The following MGA variants were observed in gnomAD, a reference collection of about 807,000 sequenced individuals.
MGA encodes the protein MAX gene-associated protein.
In MGA, 40 loss-of-function variants were observed where a neutral mutation model predicts 261.1. That is an observed-to-expected ratio of 0.15 (90% CI 0.12 to 0.20). The LOEUF (loss-of-function observed/expected upper bound fraction) is 0.20. MGA is among the 10% of genes least tolerant of loss of function. MGA has a pLI of 1.00. For missense variants in MGA, 3,397 were observed against 3,630.5 expected (o/e 0.94, Z 1.65); for synonymous variants, 1,302 against 1,290.6 (o/e 1.01, Z -0.19).
At chr15:41,705,053 T>C (rs2060038720) in intron 5 of MGA, among the ~76,000 whole-genome samples, 1 of 152,200 alleles carries the variant, frequency 6.6e-6, no homozygotes, top group Admixed American at 6.5e-5. Context: ...AAAAAGATAA[T>C]AGGTTTTTCA....
rs541524408 is a variant in MGA at position 41,758,441 on chromosome 15, T to G, written c.7191+602T>G. Among the ~76,000 whole-genome samples, 11 of 152,222 alleles carry G rather than the reference T, an allele frequency of 7.2e-5. No homozygotes were observed. The East Asian group carries it at 2.1e-3, about 29-fold the overall frequency. On this transcript the variant is annotated intron_variant, in intron 19 of 23. Transcript: ENST00000219905. The stretch of plus-strand genomic sequence containing the variant: ...AAGTAGAGGGTGGCATTTGGTTCCT[T>G]TAAAAAATCATAGTGCAGTTTGTTT...
chr15:41,626,829 CTTATG>C (rs1283819965), intron 1 of MGA, among the ~76,000 whole-genome samples: 1 of 152,038 alleles, frequency 6.6e-6, no homozygotes, highest in Non-Finnish European at 1.5e-5. Context: ...TTATTAAAAT[CTTATG>C]TTAGTATAGT....
chr15:41,684,185 T>C (rs559315248), intron 2 of MGA, among the ~76,000 whole-genome samples: 12 of 152,186 alleles, frequency 7.9e-5, no homozygotes, highest in Admixed American at 2.0e-4. Context: ...TCTCTGTGCC[T>C]AACAAAATGT....
chr15:41,649,889 C>T (rs1444860264), intron 1 of MGA, among the ~76,000 whole-genome samples: 1 of 152,122 alleles, frequency 6.6e-6, no homozygotes, highest in African/African-American at 2.4e-5. Context: ...CCATGTTGGC[C>T]AGGCTGGTGT....
intron 1 of MGA, among the ~76,000 whole-genome samples, chr15:41,635,029 G>C (rs956052041): frequency 6.6e-6 from 1 of 152,096 alleles, no homozygotes; most frequent in Non-Finnish European, 1.5e-5. Context: ...CAGGGCTGAA[G>C]TTTATAATTA....
chr15:41,740,667 A>G (rs950096055), intron 14 of MGA, among the ~76,000 whole-genome samples: 6 of 152,082 alleles, frequency 3.9e-5, no homozygotes, highest in Admixed American at 3.9e-4. Context: ...CTCTTGTTGA[A>G]CTCTTGCTGG....
At chr15:41,698,662 G>C (rs1429001291) in intron 3 of MGA, among the ~76,000 whole-genome samples, 3 of 151,900 alleles carry the variant, frequency 2.0e-5, no homozygotes, top group Non-Finnish European at 4.4e-5. Flanking sequence ...TTCCCCTTCT[G>C]ATTATTAAAG....
chr15:41,676,413 C>T (rs1334513855), intron 2 of MGA, among the ~76,000 whole-genome samples: 3 of 152,198 alleles, frequency 2.0e-5, no homozygotes, highest in Non-Finnish European at 2.9e-5. Flanking sequence ...CTTGGCCTCC[C>T]CAAGTGCCGG....
At chr15:41,673,540 C>CTTTTTTTTTTT (rs777334913) in intron 2 of MGA, among the ~76,000 whole-genome samples, 2 of 118,940 alleles carry the variant, frequency 1.7e-5, no homozygotes, top group Admixed American at 9.9e-5. Context: ...TTCTTTCTTT[C>CTTTTTTTTTTT]TTTTTTTTTT....
rs913711987 is a variant in MGA at position 41,695,975 on chromosome 15, T to A, written c.1065-100T>A. On this transcript the variant is annotated intron_variant, in intron 2 of 23. Transcript: ENST00000219905. ...GAGGAATGGCTCAGGAAATCTGATG[T>A]GTTACTTGGATTCCTAACATCTTTT... The A allele has an allele frequency of 1.1e-5, 10 of 876,778 alleles. No individual in the cohort carries two copies. In the African/African-American group the frequency reaches 1.5e-4, roughly 13 times the overall value. The allele number at this position is 876,778 out of a possible 1,614,324, so 54.3% of individuals were successfully genotyped here.
At chr15:41,745,914 C>A (rs984249267) in intron 15 of MGA, among the ~76,000 whole-genome samples, 1 of 152,180 alleles carries the variant, frequency 6.6e-6, no homozygotes, top group South Asian at 2.1e-4. Context: ...CCAGGAAACA[C>A]TAACATTTAA....
At chr15:41,686,247 T>TCA (rs2058960543) in intron 2 of MGA, among the ~76,000 whole-genome samples, 1 of 152,116 alleles carries the variant, frequency 6.6e-6, no homozygotes, top group Admixed American at 6.5e-5. Flanking sequence ...GTGTGGTGGC[T>TCA]CACGCCTTTA....
At chr15:41,630,180 TG>T (rs1354625000) in intron 1 of MGA, among the ~76,000 whole-genome samples, 1 of 152,188 alleles carries the variant, frequency 6.6e-6, no homozygotes, top group African/African-American at 2.4e-5. Context: ...CCTTTTGGCC[TG>T]GAATACTCTT....
At chr15:41,730,337 G>C (rs2061447825) in intron 11 of MGA, among the ~76,000 whole-genome samples, 1 of 151,974 alleles carries the variant, frequency 6.6e-6, no homozygotes, top group African/African-American at 2.4e-5. Flanking sequence ...TATTCGGGAG[G>C]CTGAGGCAGG....
chr15:41,689,837 G>A (rs1191285086), intron 2 of MGA, among the ~76,000 whole-genome samples: 1 of 151,698 alleles, frequency 6.6e-6, no homozygotes, highest in Admixed American at 6.6e-5. Context: ...CACCACACCT[G>A]GCCCATATTG....
intron 1 of MGA, among the ~76,000 whole-genome samples, chr15:41,626,869 T>C (rs1420760948): frequency 2.0e-5 from 3 of 152,172 alleles, no homozygotes; most frequent in Non-Finnish European, 4.4e-5. Context: ...TAAAATAATT[T>C]ATTTTAGTTT....
chr15:41,672,866 GCACA>G (rs5812197), intron 2 of MGA, among the ~76,000 whole-genome samples: 2,647 of 150,396 alleles, frequency 0.018, 43 homozygotes, highest in South Asian at 0.073. Context: ...ACATGCGTGT[GCACA>G]CACACACACA....
At chr15:41,657,082 G>A (rs191467904), upstream of MGA, among the ~76,000 whole-genome samples, 2 of 151,974 alleles carry the variant, frequency 1.3e-5, no homozygotes, top group Non-Finnish European at 2.9e-5. Context: ...GCCCAGCCCA[G>A]AAAGTCTTAA....
chr15:41,734,308 G>T (rs1205997752), intron 11 of MGA, among the ~76,000 whole-genome samples: 1 of 151,988 alleles, frequency 6.6e-6, no homozygotes, highest in Non-Finnish European at 1.5e-5. Flanking sequence ...TGATGACTCA[G>T]TCACTATCAA....
Sources: gnomAD v4.1 joint callset for allele counts (sites outside exome capture counted in the v4.1 genomes callset) on GRCh38, gnomAD v4.1.1 for gene constraint, MANE v1.5 for transcripts, NCBI Gene and HGNC (gene_info 2026-07-23, HGNC 2026-07-21) for gene names.